PSME4: variants seen among roughly 807,000 people sequenced by gnomAD.
PSME4 encodes the protein proteasome activator subunit 4.
A neutral mutation model predicts 253.9 loss-of-function variants in PSME4; 89 were observed. The observed-to-expected ratio is 0.35, with a 90% CI of 0.30 to 0.42. The LOEUF (loss-of-function observed/expected upper bound fraction) is 0.42, where lower values mean the gene tolerates loss of function less well. Among genes scored for constraint, PSME4 ranks in the 10% least tolerant of loss-of-function variants. The pLI is 1.00. For missense variants in PSME4, 2,014 were observed against 2,195.2 expected (o/e 0.92, Z 1.65); for synonymous variants, 851 against 759.2 (o/e 1.12, Z -1.99).
Position 53,866,152 on chromosome 2 carries a change from T to C in PSME4, c.5469A>G (p.Gln1823=), listed in dbSNP as rs1678554705. 2 of 1,613,262 alleles carry C rather than the reference T, an allele frequency of 1.2e-6. No individual in the cohort carries two copies. The highest frequency in any genetic ancestry group is 1.7e-5 in the Admixed American group (1 of 60,022). ...HHDNWQEHKQ[Q]FTDDQLLVLT... ...GAACAAGCAGTTGGTCATCAGTGAA[T>C]TGCTGTTTATGTTCCTGCCAGTTGT... Residue 1823 remains glutamine, a synonymous_variant, in exon 46 of 47, where the codon CAA becomes CAG. Coordinates refer to ENST00000404125, the MANE Select transcript of PSME4 (RefSeq NM_014614.3).
rs1390042626 is a variant in PSME4 at position 53,908,819 on chromosome 2, C to T, written c.2594G>A (p.Arg865Gln). ...CCTTATAACTGTAGCAATTACTTCT[C>T]GGTGGTTCTCTCGAGACAGATCTAT... Reference protein sequence around the residue: ...LEYDLSRENHREVIATVIRKL... With the variant: ...LEYDLSRENHQEVIATVIRKL... Residue 865 changes from arginine (R) to glutamine (Q), a missense_variant, in exon 22 of 47, where the codon CGA becomes CAA. Physicochemically the swap from Arg to Gln is conservative, Grantham distance 43 (BLOSUM62 1). This residue lies in a region of PSME4 where 989 missense variants were observed against 1,021.1 expected (regional missense o/e 0.97). Coordinates refer to ENST00000404125, the MANE Select transcript of PSME4 (RefSeq NM_014614.3). The T allele has an allele frequency of 3.7e-6, 6 of 1,602,254 alleles. No homozygotes were observed. Among genetic ancestry groups the T allele is most frequent in the African/African-American group, 1.3e-5 (1 of 74,276 alleles).
intron 5 of PSME4, among the ~76,000 whole-genome samples, chr2:53,937,067 G>T (rs1028821789): frequency 6.6e-6 from 1 of 152,052 alleles, no homozygotes; most frequent in Non-Finnish European, 1.5e-5. Context: ...ACTAAGTACT[G>T]TCCATTCTTA....
At chr2:53,911,755 G>A (rs879280872) in intron 20 of PSME4, among the ~76,000 whole-genome samples, 6 of 152,124 alleles carry the variant, frequency 3.9e-5, no homozygotes, top group Admixed American at 2.0e-4. Flanking sequence ...AATCAAGCAT[G>A]AATTTTAATT....
intron 4 of PSME4, among the ~76,000 whole-genome samples, chr2:53,937,769 C>T (rs1220882700): frequency 6.6e-6 from 1 of 151,962 alleles, no homozygotes; most frequent in Non-Finnish European, 1.5e-5. Flanking sequence ...AAGCTGAGGT[C>T]GATGGATCAC....
intron 1 of PSME4, among the ~76,000 whole-genome samples, chr2:53,960,226 C>T (rs948444428): frequency 2.0e-5 from 3 of 152,024 alleles, no homozygotes; most frequent in Non-Finnish European, 2.9e-5. Flanking sequence ...ATGGCGAAAC[C>T]CATCTCTACT....
chr2:53,936,616 T>A, intron 6 of PSME4, 148 bp downstream of exon 6: 1 of 549,294 alleles, frequency 1.8e-6, no homozygotes, highest in Non-Finnish European at 3.1e-6. Flanking sequence ...AAGAAACTGA[T>A]CATAACATGG....
At chr2:53,882,145 C>A (rs551054791) in intron 41 of PSME4, among the ~76,000 whole-genome samples, 4 of 151,998 alleles carry the variant, frequency 2.6e-5, no homozygotes, top group African/African-American at 9.7e-5. Context: ...ATGTTTCTTA[C>A]AACAATGTGT....
At chr2:53,956,221 G>T (rs950218177) in intron 1 of PSME4, among the ~76,000 whole-genome samples, 1 of 152,094 alleles carries the variant, frequency 6.6e-6, no homozygotes, top group African/African-American at 2.4e-5. Flanking sequence ...CACATTTTCA[G>T]TTTTTTCACT....
At chr2:53,908,718 T>C (rs2104441689) in intron 22 of PSME4, 66 bp downstream of exon 22, 1 of 1,467,208 alleles carries the variant, frequency 6.8e-7, no homozygotes, top group Non-Finnish European at 9.4e-7. Flanking sequence ...ACATGCATGT[T>C]ATAGATTAAA....
intron 18 of PSME4, among the ~76,000 whole-genome samples, chr2:53,920,627 A>C (rs1459013816): frequency 6.6e-6 from 1 of 152,198 alleles, no homozygotes; most frequent in East Asian, 1.9e-4. Context: ...AGTGAGGCTT[A>C]GTTTAGCAAT....
Position 53,895,626 on chromosome 2 carries a change from A to G in PSME4, c.3799T>C (p.Cys1267Arg). 6.2e-7 allele frequency: 1 copy of G among 1,613,628 alleles called. No homozygotes were observed. Among genetic ancestry groups the G allele is most frequent in the Non-Finnish European group, 8.5e-7 (1 of 1,179,834 alleles). ...CCCCAGTGAGTTTTTTCCACAAAGC[A>G]ACTTGACTCCCATTCTTTTTTAGTT... ...PRTKKEWESS[C>R]FVEKTHWGYY... Residue 1267 changes from cysteine (C) to arginine (R), a missense_variant, in exon 33 of 47, where the codon TGC becomes CGC. Coordinates refer to ENST00000404125, the MANE Select transcript of PSME4 (RefSeq NM_014614.3).
intron 26 of PSME4, among the ~76,000 whole-genome samples, chr2:53,905,705 C>G (rs1301873823): frequency 6.6e-6 from 1 of 152,116 alleles, no homozygotes; most frequent in Non-Finnish European, 1.5e-5. Context: ...ATTTAGAAAG[C>G]TGAGGTGAGA....
chr2:53,932,202 GTTC>G (rs1668863908), intron 9 of PSME4, 102 bp from the exon 10 acceptor site: 1 of 1,087,464 alleles, frequency 9.2e-7, no homozygotes, highest in African/African-American at 1.6e-5. Flanking sequence ...AAAAATAACA[GTTC>G]TTATTATCTT....
intron 41 of PSME4, among the ~76,000 whole-genome samples, chr2:53,877,610 T>C (rs1362501066): frequency 6.6e-6 from 1 of 152,124 alleles, no homozygotes; most frequent in Non-Finnish European, 1.5e-5. Context: ...ACGGGATTCC[T>C]GCAAAAGGTA....
At chr2:53,959,376 G>A (rs1203977943) in intron 1 of PSME4, among the ~76,000 whole-genome samples, 2 of 151,884 alleles carry the variant, frequency 1.3e-5, no homozygotes, top group African/African-American at 2.4e-5. Flanking sequence ...AAAAAAAGAG[G>A]GGGGAAAAAA....
At chr2:53,893,374 T>C (rs964318917) in intron 35 of PSME4, among the ~76,000 whole-genome samples, 6 of 152,192 alleles carry the variant, frequency 3.9e-5, no homozygotes, top group Non-Finnish European at 2.9e-5. Flanking sequence ...TAAAATGGTA[T>C]TGTATTTGCA....
At chr2:53,936,241 G>T in intron 6 of PSME4, 80 bp from the exon 7 acceptor site, 1 of 1,567,428 alleles carries the variant, frequency 6.4e-7, no homozygotes, top group Non-Finnish European at 8.6e-7. Flanking sequence ...TCCTCCATTT[G>T]TTCTTTTTGG....
rs1427740751 is a variant in PSME4, at chr2:53,927,439, T to C, written c.1548A>G (p.Leu516=). 1.3e-6 allele frequency: 2 copies of C among 1,598,490 alleles called. No individual in the cohort carries two copies. The highest frequency in any genetic ancestry group is 1.7e-6 in the Non-Finnish European group (2 of 1,165,766). The change falls in exon 12 of 47, where the codon TTA becomes TTG. Residue 516 remains leucine (L), a synonymous_variant. Transcript: ENST00000404125. ...CTTGTAGTACAGATGAACAATCTAC[T>C]AAAGGCACCAGAGTAGAAAATGTTG... ...FIATFSTLVP[L]VDCSSVLQER...
At position 53,913,711 on chromosome 2, in the gene PSME4, C is replaced by A. The variant is rs17045389; in HGVS notation, c.2517-3581G>T. Among the ~76,000 whole-genome samples the A allele has an allele frequency of 2.6e-3, 391 of 152,266 alleles. 9 individuals are homozygous for A. The East Asian group carries it at 0.063, about 24-fold the overall frequency. ...AAATGAAAACCTGGCTCTTATCCTGCCAGTGAACAAAGGGTCACTAAATAA... is the reference window on the plus strand; with the variant it reads ...AAATGAAAACCTGGCTCTTATCCTGACAGTGAACAAAGGGTCACTAAATAA... On this transcript the variant is annotated intron_variant, in intron 20 of 46. Transcript: ENST00000404125.
Sources: allele counts gnomAD v4.1 joint callset (sites outside exome capture counted in the v4.1 genomes callset), GRCh38; gene constraint gnomAD v4.1.1; regional missense constraint gnomAD v4.1.1; transcripts MANE v1.5; gene names NCBI Gene and HGNC (gene_info 2026-07-23, HGNC 2026-07-21).